The following TTC19 variants were observed in gnomAD, a reference collection of about 807,000 sequenced individuals.
The protein encoded by TTC19 is tetratricopeptide repeat protein 19, mitochondrial.
In TTC19, 38 loss-of-function variants were observed where a neutral mutation model predicts 49.5. That is an observed-to-expected ratio of 0.77 (90% CI 0.59 to 1.01). The LOEUF is 1.01. TTC19 is among the 50% of genes least tolerant of loss of function. The pLI is 0.00. For synonymous variants in TTC19, 204 were observed against 185.2 expected, an observed-to-expected ratio of 1.10 and a Z score of -0.83; for missense variants, 475 against 477.7, an observed-to-expected ratio of 0.99 and a Z score of 0.05.
intron 2 of TTC19, among the ~76,000 whole-genome samples, chr17:16,041,526 G>T (rs1295085785): frequency 6.8e-6 from 1 of 146,878 alleles, no homozygotes; most frequent in Non-Finnish European, 1.5e-5. Context: ...CAGTTCTCCT[G>T]CCTCAGCCTC....
chr17:16,019,985 C>T (rs1275408617), intron 7 of TTC19, among the ~76,000 whole-genome samples: 2 of 142,434 alleles, frequency 1.4e-5, no homozygotes, highest in African/African-American at 5.6e-5. Context: ...AAAAAAAAAG[C>T]CAGGCATGCT....
At chr17:16,036,051 C>T (rs1325536110) in intron 2 of TTC19, among the ~76,000 whole-genome samples, 6 of 152,168 alleles carry the variant, frequency 3.9e-5, no homozygotes, top group Admixed American at 6.5e-5. Flanking sequence ...TGCTCAGATC[C>T]GTCAGAGGAA....
chr17:16,037,482 C>A (rs536891602), intron 2 of TTC19, among the ~76,000 whole-genome samples: 1 of 151,896 alleles, frequency 6.6e-6, no homozygotes, highest in African/African-American at 2.4e-5. Context: ...TTGTAACAAT[C>A]AAAACAAAAA....
chr17:16,004,127 C>A, intron 5 of TTC19, 74 bp from the exon 6 acceptor site: 1 of 1,430,706 alleles, frequency 7.0e-7, no homozygotes, highest in Non-Finnish European at 9.9e-7. Flanking sequence ...CACCGTCAGT[C>A]TGGAAGTTGA....
At chr17:16,040,871 C>A in intron 2 of TTC19, 1 of 188,718 alleles carries the variant, frequency 5.3e-6, no homozygotes, top group Non-Finnish European at 1.1e-5. Context: ...CATCTGTTTA[C>A]CAAAAATAAA....
Position 16,000,242 on chromosome 17 carries a change from C to T in TTC19, c.309C>T (p.Ala103=). Residue 103 remains alanine (A), a synonymous_variant, in exon 2 of 10, where the codon GCC becomes GCT. Transcript: ENST00000261647. ...AGATCATCCAGCTGCTGAAGCGAGCCAAGGTGAGGCGGCTCCGGGCCCTGC... is the reference window on the plus strand; with the variant it reads ...AGATCATCCAGCTGCTGAAGCGAGCTAAGGTGAGGCGGCTCCGGGCCCTGC... The part of the protein sequence containing the change: ...EAEIIQLLKR[A]KLSIMKDEPE... The T allele has an allele frequency of 1.3e-6, 2 of 1,595,138 alleles. No homozygotes were observed. Among genetic ancestry groups the T allele is most frequent in the South Asian group, 1.1e-5 (1 of 90,918 alleles).
At chr17:16,039,430 T>C (rs200695395) in intron 2 of TTC19, 354 of 1,612,912 alleles carry the variant, frequency 2.2e-4, no homozygotes, top group Non-Finnish European at 2.7e-4. Context: ...ATGAAAGCTG[T>C]ACCTGAATGA....
At chr17:16,035,341 TA>T (rs761364694) in intron 2 of TTC19, among the ~76,000 whole-genome samples, 6 of 152,204 alleles carry the variant, frequency 3.9e-5, no homozygotes, top group Non-Finnish European at 8.8e-5. Context: ...TGGGTTTATG[TA>T]ATGTAGTATT....
intron 2 of TTC19, among the ~76,000 whole-genome samples, chr17:16,043,079 A>C (rs1264237305): frequency 6.6e-6 from 1 of 152,230 alleles, no homozygotes; most frequent in Non-Finnish European, 1.5e-5. Context: ...CCAGAGAAGT[A>C]GAGAAGAAAC....
chr17:16,040,130 T>C, intron 2 of TTC19: 2 of 515,910 alleles, frequency 3.9e-6, no homozygotes, highest in Admixed American at 4.5e-5. Flanking sequence ...TTAAGGAAAT[T>C]TGTTTCCCAA....
At chr17:16,009,079 A>G (rs1400995379) in intron 7 of TTC19, among the ~76,000 whole-genome samples, 2 of 152,184 alleles carry the variant, frequency 1.3e-5, no homozygotes, top group South Asian at 2.1e-4. Flanking sequence ...TAGAGGCTCA[A>G]TAATTACTGA....
At chr17:16,041,568 C>T (rs1453745842) in intron 2 of TTC19, among the ~76,000 whole-genome samples, 1 of 150,808 alleles carries the variant, frequency 6.6e-6, no homozygotes, top group African/African-American at 2.4e-5. Context: ...CCCCCCGCCA[C>T]CATGCCCAGC....
At chr17:16,044,355 A>G (rs2058291720) in intron 2 of TTC19, 2 of 470,188 alleles carry the variant, frequency 4.3e-6, no homozygotes, top group South Asian at 3.1e-5. Context: ...GGTGTTCAAC[A>G]TTTATTAATC....
chr17:16,015,367 T>G (rs1267289852), intron 7 of TTC19, among the ~76,000 whole-genome samples: 2 of 147,328 alleles, frequency 1.4e-5, no homozygotes, highest in African/African-American at 2.7e-5. Flanking sequence ...AATGAACGTA[T>G]GGGTGAACAA....
intron 9 of TTC19, 44 bp from the exon 10 acceptor site, chr17:16,027,330 C>G (rs368397995): frequency 5.7e-5 from 92 of 1,609,590 alleles, no homozygotes; most frequent in Non-Finnish European, 7.6e-5. Context: ...ACCTTGAAAA[C>G]ATACACTTTC....
intron 7 of TTC19, among the ~76,000 whole-genome samples, chr17:16,013,236 G>A (rs1971123799): frequency 6.6e-6 from 1 of 152,168 alleles, no homozygotes; most frequent in Admixed American, 6.5e-5. Context: ...ATCATAATAT[G>A]TATTCATTTT....
At chr17:16,030,320 T>C (rs1971810555), downstream of TTC19, 2 of 224,276 alleles carry the variant, frequency 8.9e-6, no homozygotes, top group Non-Finnish European at 1.8e-5. Context: ...TGGAAGAAAA[T>C]CCATGTATAA....
intron 3 of TTC19, among the ~76,000 whole-genome samples, chr17:16,002,462 C>T (rs957962523): frequency 6.6e-6 from 1 of 152,140 alleles, no homozygotes; most frequent in African/African-American, 2.4e-5. Context: ...CAGGCATGAG[C>T]CACCACGCCC....
At chr17:16,021,669 C>T (rs1173691510) in intron 7 of TTC19, among the ~76,000 whole-genome samples, 1 of 152,114 alleles carries the variant, frequency 6.6e-6, no homozygotes, top group African/African-American at 2.4e-5. Flanking sequence ...ATTACAGGTA[C>T]AAGACTCTGA....
Sources: allele counts gnomAD v4.1 joint callset (sites outside exome capture counted in the v4.1 genomes callset), GRCh38; gene constraint gnomAD v4.1.1; transcripts MANE v1.5; gene names NCBI Gene and HGNC (gene_info 2026-07-23, HGNC 2026-07-21).